RBFOX1: variants seen among roughly 807,000 people sequenced by gnomAD.
RBFOX1 encodes the protein RNA binding fox-1 homolog 1.
RBFOX1 carries 8 observed loss-of-function variants against 57.7 expected under a neutral mutation model. The observed-to-expected ratio is 0.14, with a 90% CI of 0.08 to 0.25. RBFOX1 has a LOEUF of 0.25. RBFOX1 is among the 10% of genes least tolerant of loss of function. The pLI is 1.00. For missense variants in RBFOX1, 611 were observed against 548.5 expected (o/e 1.11, Z -1.14); for synonymous variants, 326 against 222.4 (o/e 1.47, Z -4.15).
intron 4 of RBFOX1, among the ~76,000 whole-genome samples, chr16:7,497,271 A>G (rs1485479849): frequency 6.6e-6 from 1 of 152,080 alleles, no homozygotes; most frequent in Admixed American, 6.6e-5. Flanking sequence ...TACTCCAGCC[A>G]TATTATCCTG....
chr16:5,860,821 G>A (rs1476283826), intron 3 of RBFOX1, among the ~76,000 whole-genome samples: 1 of 152,182 alleles, frequency 6.6e-6, no homozygotes, highest in African/African-American at 2.4e-5. Context: ...TGTAGATACT[G>A]GGAGGCCAGC....
intron 3 of RBFOX1, among the ~76,000 whole-genome samples, chr16:6,816,836 C>T (rs370502811): frequency 1.3e-5 from 2 of 152,066 alleles, no homozygotes; most frequent in Non-Finnish European, 2.9e-5. Flanking sequence ...TCTCAAACTC[C>T]TGGGCTCAAA....
rs944855275 is a variant in RBFOX1 at position 6,613,016 on chromosome 16, T to C, written c.-63-41587T>C. On this transcript the variant is annotated intron_variant, in intron 2 of 15. Transcript: ENST00000550418. ...GCCAGTCCCAGCATGTGTGTGTGTGTGTGTGTGTGTGTGTGTGTGTGTGTG... is the reference window on the plus strand; with the variant it reads ...GCCAGTCCCAGCATGTGTGTGTGTGCGTGTGTGTGTGTGTGTGTGTGTGTG... Among the ~76,000 whole-genome samples, 19 of 137,348 alleles carry C rather than the reference T, an allele frequency of 1.4e-4. No individual in the cohort carries two copies. In the South Asian group the frequency reaches 6.0e-3, roughly 43 times the overall value. 90.1% of individuals were successfully genotyped at this position (137,348 alleles called of 152,430 possible).
intron 10 of RBFOX1, among the ~76,000 whole-genome samples, chr16:7,613,298 A>G (rs1203211121): frequency 6.6e-6 from 1 of 152,220 alleles, no homozygotes; most frequent in Non-Finnish European, 1.5e-5. Context: ...GCCATGCCTG[A>G]CTGCAAAGTC....
At chr16:7,316,257 C>T (rs1049072533) in intron 4 of RBFOX1, among the ~76,000 whole-genome samples, 1 of 152,170 alleles carries the variant, frequency 6.6e-6, no homozygotes, top group Non-Finnish European at 1.5e-5. Flanking sequence ...CAACTATCTG[C>T]TTACACATAG....
intron 3 of RBFOX1, among the ~76,000 whole-genome samples, chr16:5,720,395 C>G (rs2051884249): frequency 6.6e-6 from 1 of 152,190 alleles, no homozygotes; most frequent in African/African-American, 2.4e-5. Flanking sequence ...CTATTATTAG[C>G]TAACTTTCCA....
In RBFOX1 at chr16:6,723,072, A is replaced by G. The variant is rs79685535; in HGVS notation, c.-16+68422A>G. On this transcript the variant is annotated intron_variant, in intron 3 of 15. Coordinates refer to ENST00000550418, the MANE Select transcript of RBFOX1 (RefSeq NM_018723.4). ...CCAGGCTTTGGGGAGGGGATGGGCA[A>G]TGTCCCATGAGTGGTGATGTGGACA... 4.0e-3 allele frequency among the ~76,000 whole-genome samples: 612 copies of G among 152,276 alleles called. 7 individuals are homozygous for G. Among genetic ancestry groups the G allele is most frequent in the African/African-American group, 0.013 (560 of 41,566 alleles).
chr16:6,786,904 CT>C (rs199575297), intron 3 of RBFOX1, among the ~76,000 whole-genome samples: 5,632 of 77,610 alleles, frequency 0.073, 341 homozygotes, highest in African/African-American at 0.28. Flanking sequence ...GGCTTTTTTA[CT>C]TTTAAAAAAA....
At chr16:5,548,136 G>C (rs2045294150) in intron 2 of RBFOX1, among the ~76,000 whole-genome samples, 1 of 138,988 alleles carries the variant, frequency 7.2e-6, no homozygotes, top group South Asian at 2.3e-4. Context: ...ATTCCAGCCT[G>C]GGTGACAGAG....
chr16:6,211,836 AT>A (rs981880690), intron 1 of RBFOX1, among the ~76,000 whole-genome samples: 21 of 150,334 alleles, frequency 1.4e-4, no homozygotes, highest in African/African-American at 3.9e-4. Context: ...TTATTTATTT[AT>A]TTATTTATTT....
chr16:5,827,192 G>T (rs1009467536), intron 3 of RBFOX1, among the ~76,000 whole-genome samples: 1 of 151,984 alleles, frequency 6.6e-6, no homozygotes, highest in African/African-American at 2.4e-5. Context: ...ATGAGGTCAA[G>T]AATTCGAGAC....
intron 3 of RBFOX1, among the ~76,000 whole-genome samples, chr16:5,779,882 T>A (rs541488354): frequency 1.3e-5 from 2 of 152,214 alleles, no homozygotes; most frequent in African/African-American, 2.4e-5. Context: ...TCTTCAGTTT[T>A]CTCACTTGTA....
At chr16:5,841,465 T>C (rs1371771933) in intron 3 of RBFOX1, among the ~76,000 whole-genome samples, 6 of 152,216 alleles carry the variant, frequency 3.9e-5, no homozygotes, top group African/African-American at 1.2e-4. Flanking sequence ...TTCCTCACCT[T>C]GTCCCTCCCA....
chr16:6,686,534 T>C (rs2059460799), intron 3 of RBFOX1, among the ~76,000 whole-genome samples: 1 of 152,192 alleles, frequency 6.6e-6, no homozygotes, highest in Non-Finnish European at 1.5e-5. Flanking sequence ...CATGAAATTA[T>C]ATACATCTTG....
At chr16:6,852,282 C>G (rs1210155083) in intron 3 of RBFOX1, among the ~76,000 whole-genome samples, 1 of 152,114 alleles carries the variant, frequency 6.6e-6, no homozygotes, top group African/African-American at 2.4e-5. Flanking sequence ...GTCTTCCGTT[C>G]TGTGTGTGCC....
intron 4 of RBFOX1, among the ~76,000 whole-genome samples, chr16:7,107,957 T>C (rs2063909684): frequency 6.7e-6 from 1 of 150,252 alleles, no homozygotes; most frequent in South Asian, 2.1e-4. Context: ...CTTATCTCCA[T>C]TATTATTTTG....
chr16:6,385,978 C>T (rs2092248099), intron 2 of RBFOX1, among the ~76,000 whole-genome samples: 1 of 151,330 alleles, frequency 6.6e-6, no homozygotes, highest in African/African-American at 2.4e-5. Flanking sequence ...CTCTGTCGCC[C>T]AGGCTGGAGT....
At chr16:5,606,026 T>C (rs1025512969) in intron 3 of RBFOX1, among the ~76,000 whole-genome samples, 1 of 152,162 alleles carries the variant, frequency 6.6e-6, no homozygotes, top group Non-Finnish European at 1.5e-5. Flanking sequence ...CATTTTCCTG[T>C]CTTACTCTCA....
intron 2 of RBFOX1, among the ~76,000 whole-genome samples, chr16:6,620,395 G>C (rs1259407978): frequency 6.6e-6 from 1 of 152,126 alleles, no homozygotes; most frequent in African/African-American, 2.4e-5. Context: ...CCAAAAGTTA[G>C]AAAGATCTCA....
Sources: allele counts gnomAD v4.1 joint callset (sites outside exome capture counted in the v4.1 genomes callset), GRCh38; gene constraint gnomAD v4.1.1; transcripts MANE v1.5; gene names NCBI Gene and HGNC (gene_info 2026-07-23, HGNC 2026-07-21).